Variants in NCAM2 observed in about 807,000 individuals in gnomAD.
The protein encoded by NCAM2 is neural cell adhesion molecule 2.
NCAM2 carries 30 observed loss-of-function variants against 98.1 expected under a neutral mutation model. That is an observed-to-expected ratio of 0.31 (90% CI 0.23 to 0.41). NCAM2 has a LOEUF of 0.41. Ranked by LOEUF, NCAM2 falls within the 10% of genes least tolerant of loss-of-function variation. The pLI is 1.00. For synonymous variants in NCAM2, 368 were observed against 342.4 expected (o/e 1.07, Z -0.83); for missense variants, 867 against 1,005.8 (o/e 0.86, Z 1.87).
intron 1 of NCAM2, among the ~76,000 whole-genome samples, chr21:21,220,165 G>T (rs1477391042): frequency 6.6e-6 from 1 of 152,104 alleles, no homozygotes; most frequent in South Asian, 2.1e-4. Context: ...TAAGTGTACA[G>T]TGTATATAAA....
chr21:21,310,965 G>T (rs2074031024), intron 5 of NCAM2, among the ~76,000 whole-genome samples: 2 of 152,142 alleles, frequency 1.3e-5, no homozygotes, highest in Non-Finnish European at 2.9e-5. Flanking sequence ...TACTTCTCAG[G>T]AAATATTTCT....
chr21:21,111,446 G>A (rs1261152242), intron 1 of NCAM2, among the ~76,000 whole-genome samples: 9 of 152,118 alleles, frequency 5.9e-5, no homozygotes, highest in Admixed American at 2.0e-4. Flanking sequence ...ACAATGCGGA[G>A]GTCTGGAAGA....
chr21:21,316,864 A>C (rs2074238921), intron 5 of NCAM2, among the ~76,000 whole-genome samples: 1 of 152,126 alleles, frequency 6.6e-6, no homozygotes, highest in South Asian at 2.1e-4. Context: ...TTGATATATA[A>C]ATAAAACAAA....
intron 1 of NCAM2, among the ~76,000 whole-genome samples, chr21:21,163,945 C>A (rs895667618): frequency 4.6e-5 from 7 of 152,212 alleles, no homozygotes; most frequent in African/African-American, 1.7e-4. Flanking sequence ...CCAGTTTTCT[C>A]CTGGCCCAGT....
chr21:21,167,175 CG>C (rs2067979463), intron 1 of NCAM2, among the ~76,000 whole-genome samples: 1 of 151,742 alleles, frequency 6.6e-6, no homozygotes, highest in Admixed American at 6.6e-5. Context: ...TTAAAGTGAA[CG>C]TTCTTGTGTT....
chr21:21,089,050 A>AT, intron 1 of NCAM2, among the ~76,000 whole-genome samples: 1 of 149,334 alleles, frequency 6.7e-6, no homozygotes, highest in East Asian at 2.0e-4. Context: ...CAATTTTGGT[A>AT]TTTAGCTAAA....
At chr21:21,054,517 A>C (rs1040411134) in intron 1 of NCAM2, among the ~76,000 whole-genome samples, 1 of 152,048 alleles carries the variant, frequency 6.6e-6, no homozygotes, top group African/African-American at 2.4e-5. Flanking sequence ...TTATAACCAT[A>C]GACTCGATAA....
intron 10 of NCAM2, among the ~76,000 whole-genome samples, chr21:21,411,052 G>T (rs1261333256): frequency 3.2e-5 from 1 of 30,812 alleles, no homozygotes; most frequent in Admixed American, 5.1e-4. Context: ...ATATATGTGT[G>T]TGTATATATA....
At chr21:21,121,273 T>G (rs2146567141) in intron 1 of NCAM2, among the ~76,000 whole-genome samples, 1 of 152,336 alleles carries the variant, frequency 6.6e-6, no homozygotes, top group Non-Finnish European at 1.5e-5. Flanking sequence ...TTCTTTGTCC[T>G]TCACTTCTTT....
chr21:21,142,527 C>T (rs1367119201), intron 1 of NCAM2, among the ~76,000 whole-genome samples: 5 of 146,158 alleles, frequency 3.4e-5, no homozygotes, highest in Non-Finnish European at 6.0e-5. Flanking sequence ...TACAGGCGTC[C>T]GCCACCAGGC....
At chr21:21,153,464 A>G (rs1403725913) in intron 1 of NCAM2, among the ~76,000 whole-genome samples, 1 of 151,952 alleles carries the variant, frequency 6.6e-6, no homozygotes, top group Non-Finnish European at 1.5e-5. Context: ...ATAAATATAT[A>G]GAAATGTATA....
chr21:21,210,428 T>A, intron 1 of NCAM2: 2 of 816,080 alleles, frequency 2.5e-6, no homozygotes, highest in Admixed American at 9.3e-5. Flanking sequence ...ACTGAGATAT[T>A]TAAGAGCACC....
chr21:21,010,322 G>T (rs118028755), intron 1 of NCAM2, among the ~76,000 whole-genome samples: 2,044 of 151,978 alleles, frequency 0.013, 31 homozygotes, highest in Non-Finnish European at 0.022. Flanking sequence ...GGCTTATGAA[G>T]GCCTATGTGC....
At chr21:21,431,065 A>G (rs1411048894) in intron 11 of NCAM2, among the ~76,000 whole-genome samples, 1 of 149,802 alleles carries the variant, frequency 6.7e-6, no homozygotes, top group Non-Finnish European at 1.5e-5. Context: ...AAAAAAAAAA[A>G]AAAAAATTCA....
At chr21:20,998,840 G>A (rs1249740149) in intron 1 of NCAM2, among the ~76,000 whole-genome samples, 2 of 152,140 alleles carry the variant, frequency 1.3e-5, no homozygotes, top group Non-Finnish European at 2.9e-5. Context: ...GAATTGGAGA[G>A]GGGAATCGGT....
chr21:21,162,210 C>G (rs1285384937), intron 1 of NCAM2, among the ~76,000 whole-genome samples: 1 of 152,076 alleles, frequency 6.6e-6, no homozygotes, highest in Non-Finnish European at 1.5e-5. Context: ...GGATTTACTT[C>G]ACACAGATAT....
At chr21:21,033,795 G>A (rs1285946897) in intron 1 of NCAM2, among the ~76,000 whole-genome samples, 1 of 152,124 alleles carries the variant, frequency 6.6e-6, no homozygotes, top group Non-Finnish European at 1.5e-5. Flanking sequence ...AAGCCTGGCT[G>A]TTTATTTCAC....
intron 1 of NCAM2, among the ~76,000 whole-genome samples, chr21:21,104,884 G>T (rs2066314429): frequency 6.6e-6 from 1 of 152,014 alleles, no homozygotes; most frequent in Non-Finnish European, 1.5e-5. Flanking sequence ...CTTACTCTTT[G>T]ATCACTTCCT....
chr21:21,402,737 A>C (rs980318049), intron 9 of NCAM2, among the ~76,000 whole-genome samples: 1 of 152,100 alleles, frequency 6.6e-6, no homozygotes, highest in African/African-American at 2.4e-5. Context: ...GCCCAGCTGT[A>C]AAATTCCTCT....
Sources: allele counts gnomAD v4.1 joint callset (sites outside exome capture counted in the v4.1 genomes callset), GRCh38; gene constraint gnomAD v4.1.1; transcripts MANE v1.5; gene names NCBI Gene and HGNC (gene_info 2026-07-23, HGNC 2026-07-21).